The following WDFY2 variants were observed in gnomAD, a reference collection of about 807,000 sequenced individuals.
The protein encoded by WDFY2 is WD repeat and FYVE domain-containing protein 2.
WDFY2 carries 36 observed loss-of-function variants against 56.4 expected under a neutral mutation model. The observed-to-expected ratio is 0.64, with a 90% CI of 0.49 to 0.84. The LOEUF (loss-of-function observed/expected upper bound fraction) is 0.84. Among genes scored for constraint, WDFY2 ranks in the 40% least tolerant of loss-of-function variants. The pLI is 0.00. For synonymous variants in WDFY2, 176 were observed against 183.7 expected (o/e 0.96, Z 0.34); for missense variants, 444 against 512.2 (o/e 0.87, Z 1.29).
At chr13:51,727,598 TG>T in intron 5 of WDFY2, 79 bp from the exon 6 acceptor site, 1 of 1,349,358 alleles carries the variant, frequency 7.4e-7, no homozygotes, top group East Asian at 2.3e-5. Context: ...GCGTATTTCT[TG>T]TTACATTTAT....
chr13:51,661,768 C>G (rs920545363), intron 2 of WDFY2, among the ~76,000 whole-genome samples: 2 of 152,086 alleles, frequency 1.3e-5, no homozygotes, highest in Non-Finnish European at 2.9e-5. Context: ...ACAAAGTATT[C>G]AACGCTTTTT....
At chr13:51,590,818 T>TA (rs1270610488) in intron 1 of WDFY2, 1 of 152,122 alleles carries the variant, frequency 6.6e-6, no homozygotes, top group East Asian at 1.9e-4. Context: ...GTCTTCTCTT[T>TA]AAAAAAATTT....
rs9535736 is a variant in WDFY2 at position 51,699,364 on chromosome 13, G to A, written c.280-4232G>A. Reference sequence around the variant, plus strand: ...CAGAGACTTCCTGAATGCTGGAGAAGCAGCTGGGCATCTTGTGAAACTCAG... The same window carrying A: ...CAGAGACTTCCTGAATGCTGGAGAAACAGCTGGGCATCTTGTGAAACTCAG... On this transcript the variant is annotated intron_variant, in intron 3 of 11. Transcript: ENST00000298125. 8.6e-3 allele frequency among the ~76,000 whole-genome samples: 1,308 copies of A among 152,314 alleles called. 7 individuals are homozygous for A. The highest frequency in any genetic ancestry group is 0.015 in the Non-Finnish European group (991 of 68,022).
intron 1 of WDFY2, among the ~76,000 whole-genome samples, chr13:51,640,576 C>T (rs568719808): frequency 6.6e-6 from 1 of 152,302 alleles, no homozygotes; most frequent in Non-Finnish European, 1.5e-5. Context: ...AGGCCAGGTG[C>T]GGTGGCTCAT....
At chr13:51,739,480 A>G (rs965435795) in intron 7 of WDFY2, among the ~76,000 whole-genome samples, 14 of 150,144 alleles carry the variant, frequency 9.3e-5, no homozygotes, top group African/African-American at 2.7e-4. Context: ...GAGAGTGAGG[A>G]AAAAAAAAAG....
intron 3 of WDFY2, among the ~76,000 whole-genome samples, chr13:51,685,054 C>T (rs917288742): frequency 6.6e-6 from 1 of 152,174 alleles, no homozygotes; most frequent in Admixed American, 6.6e-5. Flanking sequence ...ATTCAGATAT[C>T]CATGGCTGTG....
intron 1 of WDFY2, among the ~76,000 whole-genome samples, chr13:51,611,721 G>A (rs1404057195): frequency 1.3e-5 from 2 of 152,130 alleles, no homozygotes; most frequent in Non-Finnish European, 2.9e-5. Context: ...CCTTTGCCAG[G>A]GGTTTGGTTT....
At chr13:51,718,484 A>G (rs1191174652) in intron 4 of WDFY2, among the ~76,000 whole-genome samples, 1 of 151,396 alleles carries the variant, frequency 6.6e-6, no homozygotes, top group African/African-American at 2.4e-5. Flanking sequence ...TTCTGGAATT[A>G]CGTGATGTGA....
intron 2 of WDFY2, among the ~76,000 whole-genome samples, chr13:51,673,332 T>G (rs2138497141): frequency 6.6e-6 from 1 of 152,294 alleles, no homozygotes; most frequent in African/African-American, 2.4e-5. Flanking sequence ...TTTTAGATGG[T>G]CAAGTGGGCA....
chr13:51,707,908 T>TTAAAGA (rs1952118912), intron 4 of WDFY2, among the ~76,000 whole-genome samples: 1 of 146,998 alleles, frequency 6.8e-6, no homozygotes, highest in Non-Finnish European at 1.5e-5. Context: ...CCATGGTAAG[T>TTAAAGA]TAAAGATATA....
intron 3 of WDFY2, among the ~76,000 whole-genome samples, chr13:51,692,203 T>G (rs933159579): frequency 3.9e-5 from 6 of 152,236 alleles, no homozygotes; most frequent in Admixed American, 1.3e-4. Flanking sequence ...CTTGCCTAAT[T>G]GCCCTGGCCA....
Position 51,727,762 on chromosome 13 carries a change from C to G in WDFY2, c.570C>G (p.Thr190=). 3.1e-6 allele frequency: 5 copies of G among 1,614,096 alleles called. No homozygotes were observed. The highest frequency in any genetic ancestry group is 4.2e-6 in the Non-Finnish European group (5 of 1,180,012). The change falls in exon 6 of 12, where the codon ACC becomes ACG. Residue 190 remains threonine (T), a synonymous_variant. Coordinates refer to ENST00000298125, the MANE Select transcript of WDFY2 (RefSeq NM_052950.4). ...TILKLEQENC[T]LVTTFRGHTG... is the part of the protein sequence containing the mutation. ...TCAAACTGGAGCAAGAAAACTGCAC[C>G]CTGGTCACAACATTCAGAGGACACA... is the stretch of plus-strand genomic sequence containing the variant.
chr13:51,707,706 G>GT (rs1952113602), intron 4 of WDFY2, among the ~76,000 whole-genome samples: 1 of 151,890 alleles, frequency 6.6e-6, no homozygotes, highest in African/African-American at 2.4e-5. Flanking sequence ...GAACTGAAAG[G>GT]TTTTTTTCAT....
At chr13:51,593,108 A>G (rs1263810761) in intron 1 of WDFY2, among the ~76,000 whole-genome samples, 4 of 152,218 alleles carry the variant, frequency 2.6e-5, no homozygotes, top group African/African-American at 9.6e-5. Flanking sequence ...ATACACTTTT[A>G]TGTTCTTGCC....
chr13:51,696,089 T>C (rs1951869367), intron 3 of WDFY2, among the ~76,000 whole-genome samples: 1 of 152,208 alleles, frequency 6.6e-6, no homozygotes, highest in Admixed American at 6.5e-5. Context: ...CACCCCTTTC[T>C]TTGACTGGGA....
At chr13:51,724,362 C>T (rs1566186017) in intron 5 of WDFY2, among the ~76,000 whole-genome samples, 1 of 151,368 alleles carries the variant, frequency 6.6e-6, no homozygotes, top group Non-Finnish European at 1.5e-5. Flanking sequence ...CTCAGCCTCC[C>T]GGGTAGCTGA....
chr13:51,646,180 C>G (rs111393866), intron 1 of WDFY2, among the ~76,000 whole-genome samples: 1 of 152,214 alleles, frequency 6.6e-6, no homozygotes, highest in South Asian at 2.1e-4. Context: ...CAAGAACAAG[C>G]GTGGTTTTGT....
chr13:51,667,009 A>G (rs963563243), intron 2 of WDFY2, among the ~76,000 whole-genome samples: 15 of 152,164 alleles, frequency 9.9e-5, no homozygotes, highest in Non-Finnish European at 1.9e-4. Context: ...TTTTTGCTAC[A>G]ATTTGCTGAA....
At chr13:51,693,439 T>C (rs2138553085) in intron 3 of WDFY2, among the ~76,000 whole-genome samples, 1 of 152,166 alleles carries the variant, frequency 6.6e-6, no homozygotes, top group East Asian at 1.9e-4. Flanking sequence ...TTTCGTTATG[T>C]ACCCAGTAGT....
Sources: gnomAD v4.1 joint callset for allele counts (sites outside exome capture counted in the v4.1 genomes callset) on GRCh38, gnomAD v4.1.1 for gene constraint, MANE v1.5 for transcripts, NCBI Gene and HGNC (gene_info 2026-07-23, HGNC 2026-07-21) for gene names.